Variants in KALRN observed in about 807,000 individuals in gnomAD.
The protein encoded by KALRN is kalirin.
A neutral mutation model predicts 353.7 loss-of-function variants in KALRN; 70 were observed. The observed-to-expected ratio is 0.20, with a 90% CI of 0.16 to 0.24. KALRN has a LOEUF of 0.24. KALRN is among the 10% of genes least tolerant of loss of function. KALRN has a pLI of 1.00. For missense variants in KALRN, 2,791 were observed against 3,756.7 expected (o/e 0.74, Z 6.72); for synonymous variants, 1,391 against 1,434.8 (o/e 0.97, Z 0.69).
chr3:124,545,995 A>G (rs982338057), intron 33 of KALRN, among the ~76,000 whole-genome samples: 1 of 152,176 alleles, frequency 6.6e-6, no homozygotes, highest in East Asian at 1.9e-4. Context: ...CCCTTTTTCT[A>G]GTTCCCTTAA....
At chr3:124,203,866 G>C (rs892164088) in intron 1 of KALRN, among the ~76,000 whole-genome samples, 1 of 152,212 alleles carries the variant, frequency 6.6e-6, no homozygotes, top group Non-Finnish European at 1.5e-5. Flanking sequence ...TTTGAATTGC[G>C]TGGGTCCACT....
chr3:124,155,253 A>G (rs1199428325), intron 1 of KALRN, among the ~76,000 whole-genome samples: 1 of 152,080 alleles, frequency 6.6e-6, no homozygotes, highest in African/African-American at 2.4e-5. Flanking sequence ...TCTCTTCTGC[A>G]CCCTCCATGG....
chr3:124,639,939 T>G (rs749999734), intron 37 of KALRN, among the ~76,000 whole-genome samples: 43 of 152,210 alleles, frequency 2.8e-4, no homozygotes, highest in Non-Finnish European at 6.0e-4. Flanking sequence ...TTCCACCACT[T>G]TCTCTTTCTC....
At chr3:124,347,618 G>A (rs1345765331) in intron 10 of KALRN, among the ~76,000 whole-genome samples, 2 of 152,104 alleles carry the variant, frequency 1.3e-5, no homozygotes, top group Admixed American at 6.5e-5. Context: ...CCACGAGGTG[G>A]TGCTGGCAGG....
chr3:124,432,996 T>A (rs2093337384), intron 16 of KALRN, among the ~76,000 whole-genome samples: 1 of 152,174 alleles, frequency 6.6e-6, no homozygotes, highest in Non-Finnish European at 1.5e-5. Flanking sequence ...ATGCTCCTTC[T>A]CCAGGTGGCC....
At chr3:124,661,988 T>A in intron 45 of KALRN, 60 bp downstream of exon 45, 1 of 1,379,804 alleles carries the variant, frequency 7.2e-7, no homozygotes, top group Non-Finnish European at 1.0e-6. Flanking sequence ...GTCCAGACTG[T>A]TGCGGCTTCC....
intron 14 of KALRN, among the ~76,000 whole-genome samples, chr3:124,421,401 G>A (rs1474192132): frequency 6.6e-6 from 1 of 152,172 alleles, no homozygotes; most frequent in African/African-American, 2.4e-5. Flanking sequence ...GGACTAAGGA[G>A]CAGTGGTCTA....
At chr3:124,585,912 G>A (rs1177895235) in intron 34 of KALRN, among the ~76,000 whole-genome samples, 1 of 152,150 alleles carries the variant, frequency 6.6e-6, no homozygotes, top group African/African-American at 2.4e-5. Context: ...AGTTACTGGT[G>A]AATAAACTTC....
intron 34 of KALRN, among the ~76,000 whole-genome samples, chr3:124,586,477 C>A (rs558039374): frequency 1.3e-5 from 2 of 152,184 alleles, no homozygotes; most frequent in Non-Finnish European, 2.9e-5. Context: ...GTCTTGCTGG[C>A]CCTTGCTTTG....
At chr3:124,372,963 T>C (rs1051411758) in intron 10 of KALRN, among the ~76,000 whole-genome samples, 7 of 149,174 alleles carry the variant, frequency 4.7e-5, no homozygotes, top group African/African-American at 1.0e-4. Context: ...TTTTAAAACA[T>C]GTGGCTGCCA....
intron 34 of KALRN, among the ~76,000 whole-genome samples, chr3:124,602,253 A>G (rs761067367): frequency 6.6e-6 from 1 of 152,126 alleles, no homozygotes; most frequent in Non-Finnish European, 1.5e-5. Context: ...AAGTCCCCCA[A>G]ATTGACTTTC....
chr3:124,052,773 A>G (rs541329533), intron 1 of KALRN, among the ~76,000 whole-genome samples: 1 of 152,032 alleles, frequency 6.6e-6, no homozygotes, highest in Non-Finnish European at 1.5e-5. Flanking sequence ...AGTGGATAGC[A>G]GGGCCATAAA....
chr3:124,508,617 G>C (rs1172010522), intron 33 of KALRN, among the ~76,000 whole-genome samples: 1 of 152,086 alleles, frequency 6.6e-6, no homozygotes, highest in Non-Finnish European at 1.5e-5. Flanking sequence ...TGGATATTCT[G>C]GTATACATAC....
In KALRN at chr3:124,722,670, G is replaced by C. The variant is rs189770411; in HGVS notation, c.*3200G>C. 2.0e-4 allele frequency: 30 copies of C among 152,262 alleles called. No homozygotes were observed. The highest frequency in any genetic ancestry group is 2.0e-3 in the Admixed American group (30 of 15,288). The allele number at this position is 152,262 out of a possible 1,614,324, so 9.4% of individuals were successfully genotyped here. On this transcript the variant is annotated 3_prime_UTR_variant, in exon 60 of 60. Coordinates refer to ENST00000682506, the MANE Select transcript of KALRN (RefSeq NM_001388419.1). ...ACCGTGCTTAGGGAAAAAGGATCAG[G>C]GGCCACTCTTGTTCCTGTTTTGGCG...
rs2059326674 is a variant in KALRN, at chr3:124,456,592, T to C, written c.3736-18T>C. 1.3e-6 allele frequency: 2 copies of C among 1,580,992 alleles called. No individual in the cohort carries two copies. The highest frequency in any genetic ancestry group is 2.7e-5 in the African/African-American group (2 of 74,174). On this transcript the variant is annotated intron_variant, in intron 22 of 59. Coordinates refer to ENST00000682506, the MANE Select transcript of KALRN (RefSeq NM_001388419.1). Reference sequence around the variant, plus strand: ...CCAAAGCATCACAAGGTGACCTTTGTGATCCCTCCATGTGCAGGATAATAA... The same window carrying C: ...CCAAAGCATCACAAGGTGACCTTTGCGATCCCTCCATGTGCAGGATAATAA...
chr3:124,330,309 G>C (rs1015374079), intron 8 of KALRN, among the ~76,000 whole-genome samples: 1 of 150,280 alleles, frequency 6.7e-6, no homozygotes, highest in Admixed American at 6.6e-5. Flanking sequence ...GCCTCATCCT[G>C]TGTGTGAAGA....
intron 47 of KALRN, among the ~76,000 whole-genome samples, chr3:124,669,712 T>G (rs563666442): frequency 6.6e-6 from 1 of 152,322 alleles, no homozygotes; most frequent in East Asian, 1.9e-4. Context: ...GGGAATTGGT[T>G]CCAAGACCTC....
At chr3:124,114,946 A>G (rs889851816) in intron 1 of KALRN, among the ~76,000 whole-genome samples, 1 of 152,222 alleles carries the variant, frequency 6.6e-6, no homozygotes, top group Non-Finnish European at 1.5e-5. Flanking sequence ...AGGCACTATT[A>G]TGAGTGTGAA....
chr3:124,470,444 A>C (rs1255303296), intron 25 of KALRN, among the ~76,000 whole-genome samples: 1 of 152,204 alleles, frequency 6.6e-6, no homozygotes, highest in Non-Finnish European at 1.5e-5. Flanking sequence ...TAATATTGCC[A>C]CTTACTTTCA....
Sources: gnomAD v4.1 joint callset for allele counts (sites outside exome capture counted in the v4.1 genomes callset) on GRCh38, gnomAD v4.1.1 for gene constraint, MANE v1.5 for transcripts, NCBI Gene and HGNC (gene_info 2026-07-23, HGNC 2026-07-21) for gene names.